CTNNA2: variants seen among roughly 807,000 people sequenced by gnomAD.
The protein encoded by CTNNA2 is catenin alpha-2.
In CTNNA2, 42 loss-of-function variants were observed where a neutral mutation model predicts 101.0. That is an observed-to-expected ratio of 0.42 (90% confidence interval 0.32 to 0.54). The LOEUF (loss-of-function observed/expected upper bound fraction) is 0.54. Among genes scored for constraint, CTNNA2 ranks in the 20% least tolerant of loss-of-function variants. The pLI is 0.14. For missense variants in CTNNA2, 871 were observed against 1,223.1 expected (o/e 0.71, Z 4.29); for synonymous variants, 450 against 456.4 (o/e 0.99, Z 0.18).
chr2:79,660,784 T>A (rs1489440044), intron 2 of CTNNA2, among the ~76,000 whole-genome samples: 1 of 152,128 alleles, frequency 6.6e-6, no homozygotes, highest in Non-Finnish European at 1.5e-5. Flanking sequence ...GCCAGCTGTG[T>A]TGGCCATGTT....
chr2:79,450,423 T>C (rs570126439), intron 4 of CTNNA2, among the ~76,000 whole-genome samples: 1 of 152,126 alleles, frequency 6.6e-6, no homozygotes, highest in African/African-American at 2.4e-5. Context: ...TTTGTAAGTG[T>C]AATAAACCAA....
At chr2:80,463,954 G>T (rs1684658142) in intron 9 of CTNNA2, among the ~76,000 whole-genome samples, 1 of 152,242 alleles carries the variant, frequency 6.6e-6, no homozygotes, top group African/African-American at 2.4e-5. Flanking sequence ...CAGGAATGAA[G>T]CCCTATTCTC....
At chr2:80,262,452 G>C (rs1672681467) in intron 7 of CTNNA2, among the ~76,000 whole-genome samples, 1 of 152,120 alleles carries the variant, frequency 6.6e-6, no homozygotes, top group East Asian at 1.9e-4. Flanking sequence ...ACAATTTTAA[G>C]CTTATTTCCT....
intron 7 of CTNNA2, among the ~76,000 whole-genome samples, chr2:80,210,230 A>G (rs1332708079): frequency 1.3e-5 from 2 of 152,132 alleles, no homozygotes; most frequent in Non-Finnish European, 2.9e-5. Flanking sequence ...CTTTTTTATT[A>G]GACTTTAAGT....
intron 7 of CTNNA2, among the ~76,000 whole-genome samples, chr2:79,991,321 T>C (rs536607986): frequency 6.6e-6 from 1 of 152,294 alleles, no homozygotes; most frequent in East Asian, 1.9e-4. Context: ...AATTGAAGTA[T>C]TCAGATAAAT....
intron 1 of CTNNA2, among the ~76,000 whole-genome samples, chr2:79,593,322 G>A (rs1057358646): frequency 2.0e-5 from 3 of 152,256 alleles, no homozygotes; most frequent in African/African-American, 7.2e-5. Context: ...TCCTGAGCCT[G>A]GGATACATTG....
chr2:80,568,618 TAC>T (rs1694280399), intron 12 of CTNNA2, among the ~76,000 whole-genome samples: 1 of 151,700 alleles, frequency 6.6e-6, no homozygotes, highest in African/African-American at 2.4e-5. Flanking sequence ...GCTATAAAAT[TAC>T]AGAGAATTGT....
At chr2:79,984,580 G>A (rs963430987) in intron 7 of CTNNA2, among the ~76,000 whole-genome samples, 2 of 152,152 alleles carry the variant, frequency 1.3e-5, no homozygotes, top group Non-Finnish European at 2.9e-5. Flanking sequence ...ATGTACTTTA[G>A]GAAATGCAAC....
chr2:79,953,041 A>C (rs1303370739), intron 7 of CTNNA2, among the ~76,000 whole-genome samples: 1 of 152,194 alleles, frequency 6.6e-6, no homozygotes, highest in Non-Finnish European at 1.5e-5. Flanking sequence ...CCTATGAATG[A>C]AGATAATCCC....
At chr2:79,818,894 A>G (rs1029450566) in intron 3 of CTNNA2, among the ~76,000 whole-genome samples, 6 of 97,084 alleles carry the variant, frequency 6.2e-5, no homozygotes, top group African/African-American at 3.2e-4. Context: ...AAGCACTAAT[A>G]GCACACACAC....
chr2:79,288,373 T>C (rs1363521380), intron 2 of CTNNA2, among the ~76,000 whole-genome samples: 3 of 152,234 alleles, frequency 2.0e-5, no homozygotes, highest in Admixed American at 1.3e-4. Flanking sequence ...AAAACTAAAA[T>C]GTATTGGAAT....
intron 7 of CTNNA2, among the ~76,000 whole-genome samples, chr2:80,306,375 C>CTTTCTTTTCTTTTCTTTTCT (rs1221909340): frequency 7.9e-5 from 11 of 139,466 alleles, no homozygotes; most frequent in African/African-American, 3.0e-4. Flanking sequence ...TTCTTTCTTT[C>CTTTCTTTTCTTTTCTTTTCT]TTTCTTTTCT....
At chr2:80,221,757 A>G (rs1006607) in intron 7 of CTNNA2, among the ~76,000 whole-genome samples, 32,061 of 152,178 alleles carry the variant, frequency 0.21, 4,939 homozygotes, top group African/African-American at 0.43. Flanking sequence ...GAGCAATCAA[A>G]AAGATGAAGG....
chr2:80,075,899 A>G (rs994403497), intron 7 of CTNNA2, among the ~76,000 whole-genome samples: 2 of 151,418 alleles, frequency 1.3e-5, no homozygotes, highest in African/African-American at 2.4e-5. Flanking sequence ...TTGACTATGA[A>G]ATGCTTACTC....
chr2:80,216,141 T>C (rs1211472400), intron 7 of CTNNA2, among the ~76,000 whole-genome samples: 2 of 152,158 alleles, frequency 1.3e-5, no homozygotes, highest in Non-Finnish European at 2.9e-5. Context: ...AGTATACCGA[T>C]TTTCCAGGTA....
intron 9 of CTNNA2, among the ~76,000 whole-genome samples, chr2:80,510,025 C>T (rs1352113167): frequency 6.6e-6 from 1 of 152,300 alleles, no homozygotes; most frequent in East Asian, 1.9e-4. Context: ...TTCTGCCCCT[C>T]TATAGGGCAA....
At chr2:80,300,707 G>A (rs1676204979) in intron 7 of CTNNA2, among the ~76,000 whole-genome samples, 1 of 152,024 alleles carries the variant, frequency 6.6e-6, no homozygotes, top group African/African-American at 2.4e-5. Context: ...TAGGGACATG[G>A]GCTACATTGG....
chr2:79,795,530 T>G (rs1675630941), intron 3 of CTNNA2, among the ~76,000 whole-genome samples: 1 of 151,282 alleles, frequency 6.6e-6, no homozygotes, highest in Admixed American at 6.6e-5. Flanking sequence ...TCAATTGTAT[T>G]AAATTAAATT....
At chr2:80,036,235 AAG>A (rs919339442) in intron 7 of CTNNA2, among the ~76,000 whole-genome samples, 3 of 152,154 alleles carry the variant, frequency 2.0e-5, no homozygotes, top group Admixed American at 6.5e-5. Context: ...CAGAGTAAGA[AAG>A]AGAGAGTCAG....
Sources: allele counts gnomAD v4.1 joint callset (sites outside exome capture counted in the v4.1 genomes callset), GRCh38; gene constraint gnomAD v4.1.1; transcripts MANE v1.5; gene names NCBI Gene and HGNC (gene_info 2026-07-23, HGNC 2026-07-21).